Variants in FRMPD4 observed in about 807,000 individuals in gnomAD.
The protein encoded by FRMPD4 is FERM and PDZ domain-containing protein 4.
In FRMPD4, 22 loss-of-function variants were observed where a neutral mutation model predicts 94.1. That is an observed-to-expected ratio of 0.23 (90% CI 0.17 to 0.33). The LOEUF (loss-of-function observed/expected upper bound fraction) is 0.33, where lower values mean the gene tolerates loss of function less well. Among genes scored for constraint, FRMPD4 ranks in the 10% least tolerant of loss-of-function variants. The pLI, the probability that FRMPD4 is intolerant of heterozygous loss-of-function variation, is 1.00. For missense variants in FRMPD4, 1,111 were observed against 1,339.9 expected, an observed-to-expected ratio of 0.83 and a Z score of 2.67; for synonymous variants, 631 against 548.6, an observed-to-expected ratio of 1.15 and a Z score of -2.10.
chrX:12,203,585 C>T (rs1445439510), intron 1 of FRMPD4, among the ~76,000 whole-genome samples: 1 of 112,060 alleles, frequency 8.9e-6, no homozygotes, highest in Non-Finnish European at 1.9e-5. Flanking sequence ...AGACTTTCAG[C>T]CCTAGTGATA....
chrX:11,889,365 G>A (rs142831428), intron 3 of FRMPD4, among the ~76,000 whole-genome samples: 212 of 111,901 alleles, frequency 1.9e-3, no homozygotes, highest in African/African-American at 6.6e-3. Flanking sequence ...CCCATTGTAA[G>A]TCCAGGAGCA....
intron 3 of FRMPD4, among the ~76,000 whole-genome samples, chrX:12,001,554 A>G (rs1285064728): frequency 1.8e-5 from 2 of 112,178 alleles, no homozygotes; most frequent in Admixed American, 1.9e-4. Flanking sequence ...TGATGTCCAT[A>G]CCATCTCCTC....
intron 1 of FRMPD4, among the ~76,000 whole-genome samples, chrX:12,179,891 T>G (rs939398894): frequency 9.3e-6 from 1 of 107,756 alleles, no homozygotes; most frequent in African/African-American, 3.4e-5. Context: ...TTTTTTAAAG[T>G]ATATTTGTTT....
At chrX:12,516,086 G>A (rs1466727804) in intron 2 of FRMPD4, among the ~76,000 whole-genome samples, 1 of 111,821 alleles carries the variant, frequency 8.9e-6, no homozygotes, top group Non-Finnish European at 1.9e-5. Context: ...TTGAGCCTAT[G>A]TGTGTCTTTG....
At chrX:12,243,074 ATC>A (rs754710514) in intron 1 of FRMPD4, among the ~76,000 whole-genome samples, 12 of 112,043 alleles carry the variant, frequency 1.1e-4, no homozygotes, top group Admixed American at 2.8e-4. Flanking sequence ...TAGAAATGGG[ATC>A]TCTCTATGTT....
At position 12,099,773 on chromosome X, in the gene FRMPD4, C is replaced by T. The variant is rs1242990690; in HGVS notation, c.95+221755C>T. Reference sequence around the variant, plus strand: ...GAAAAAGTTATTATGCCAATTAACACATCTCAACATAGGGGAAAGAACATG... The same window carrying T: ...GAAAAAGTTATTATGCCAATTAACATATCTCAACATAGGGGAAAGAACATG... On this transcript the variant is annotated intron_variant, in intron 3 of 18. Coordinates refer to the FRMPD4 transcript ENST00000640291. Among the ~76,000 whole-genome samples the T allele has an allele frequency of 1.1e-4, 12 of 112,343 alleles. No individual in the cohort carries two copies. In the Admixed American group the frequency reaches 1.1e-3, roughly 11 times the overall value.
intron 3 of FRMPD4, among the ~76,000 whole-genome samples, chrX:12,107,871 A>G (rs1032319830): frequency 9.0e-6 from 1 of 110,877 alleles, no homozygotes; most frequent in Non-Finnish European, 1.9e-5. Flanking sequence ...AAGTTTAGAG[A>G]AAAAAAAAGT....
chrX:12,390,487 G>A (rs183408474), intron 1 of FRMPD4, among the ~76,000 whole-genome samples: 36 of 111,802 alleles, frequency 3.2e-4, no homozygotes, highest in Admixed American at 2.9e-3. Context: ...AATGCCTGAT[G>A]TACTTAGATG....
At chrX:11,898,209 G>C (rs2053914965) in intron 3 of FRMPD4, among the ~76,000 whole-genome samples, 1 of 110,730 alleles carries the variant, frequency 9.0e-6, no homozygotes, top group African/African-American at 3.3e-5. Context: ...ATTGACATTG[G>C]CTTTTCCTCT....
intron 1 of FRMPD4, among the ~76,000 whole-genome samples, chrX:12,273,277 T>A (rs1052075827): frequency 2.7e-5 from 3 of 111,721 alleles, no homozygotes; most frequent in African/African-American, 9.8e-5. Flanking sequence ...AAACATGGAA[T>A]TTTGAAAGTG....
At chrX:12,670,924 C>T (rs1602295420) in intron 4 of FRMPD4, among the ~76,000 whole-genome samples, 1 of 112,000 alleles carries the variant, frequency 8.9e-6, no homozygotes, top group Non-Finnish European at 1.9e-5. Flanking sequence ...AAAAAGTGGG[C>T]GAAGGATATG....
At chrX:12,488,475 T>G (rs779942685) in intron 1 of FRMPD4, among the ~76,000 whole-genome samples, 1 of 111,878 alleles carries the variant, frequency 8.9e-6, no homozygotes, top group Non-Finnish European at 1.9e-5. Context: ...TGCCAGCATA[T>G]TGCATATTTG....
intron 1 of FRMPD4, among the ~76,000 whole-genome samples, chrX:12,405,043 A>T (rs1294185644): frequency 2.7e-5 from 3 of 111,844 alleles, no homozygotes; most frequent in African/African-American, 9.7e-5. Flanking sequence ...TTTAAAAAAA[A>T]TACTGATGCT....
intron 11 of FRMPD4, among the ~76,000 whole-genome samples, chrX:12,705,453 G>A (rs1361738615): frequency 2.7e-5 from 3 of 111,392 alleles, no homozygotes; most frequent in Non-Finnish European, 3.8e-5. Context: ...GAACCATTTT[G>A]TCTTAGTATC....
chrX:12,109,620 T>C (rs1445407740), intron 3 of FRMPD4, among the ~76,000 whole-genome samples: 8 of 111,378 alleles, frequency 7.2e-5, no homozygotes, highest in African/African-American at 9.8e-5. Flanking sequence ...CTTCAAAAAA[T>C]CAATGAATCC....
chrX:12,708,229 T>C (rs978698608), intron 13 of FRMPD4, among the ~76,000 whole-genome samples: 1 of 111,016 alleles, frequency 9.0e-6, no homozygotes, highest in African/African-American at 3.3e-5. Flanking sequence ...CTCAGCACTT[T>C]GGGAGGCCGA....
intron 1 of FRMPD4, among the ~76,000 whole-genome samples, chrX:12,174,652 G>A (rs188581791): frequency 4.1e-4 from 46 of 111,611 alleles, no homozygotes; most frequent in East Asian, 8.4e-4. Context: ...CTCAAACTTT[G>A]ATGTATATCA....
At chrX:12,523,254 GGTT>G (rs2058184151) in intron 2 of FRMPD4, among the ~76,000 whole-genome samples, 1 of 111,625 alleles carries the variant, frequency 9.0e-6, no homozygotes, top group Non-Finnish European at 1.9e-5. Context: ...AACAAACTGA[GGTT>G]GTTAGAACTA....
chrX:12,277,027 A>G (rs2062708301), intron 1 of FRMPD4, among the ~76,000 whole-genome samples: 1 of 102,734 alleles, frequency 9.7e-6, no homozygotes, highest in South Asian at 4.8e-4. Flanking sequence ...AGGCTGAGGC[A>G]GGAGAATGGC....
Sources: gnomAD v4.1 joint callset for allele counts (sites outside exome capture counted in the v4.1 genomes callset) on GRCh38, gnomAD v4.1.1 for gene constraint, MANE v1.5 for transcripts, NCBI Gene and HGNC (gene_info 2026-07-23, HGNC 2026-07-21) for gene names.